PIBF1: variants seen among roughly 807,000 people sequenced by gnomAD.
PIBF1 encodes the protein progesterone immunomodulatory binding factor 1, also known as progesterone-induced-blocking factor 1.
PIBF1 carries 90 observed loss-of-function variants against 112.5 expected under a neutral mutation model. That is an observed-to-expected ratio of 0.80 (90% CI 0.67 to 0.95). PIBF1 has a LOEUF of 0.95. PIBF1 is among the 40% of genes least tolerant of loss of function. The pLI, the probability that PIBF1 is intolerant of heterozygous loss-of-function variation, is 0.00. For synonymous variants in PIBF1, 301 were observed against 288.6 expected (o/e 1.04, Z -0.44); for missense variants, 915 against 852.3 (o/e 1.07, Z -0.92).
At chr13:72,880,549 T>G (rs905038940) in intron 10 of PIBF1, among the ~76,000 whole-genome samples, 1 of 152,212 alleles carries the variant, frequency 6.6e-6, no homozygotes, top group African/African-American at 2.4e-5. Context: ...GTTATGCTCA[T>G]TTTATAATTA....
At chr13:72,917,265 T>A in intron 13 of PIBF1, 99 bp downstream of exon 13, 1 of 554,408 alleles carries the variant, frequency 1.8e-6, no homozygotes. Context: ...CAAAGTCCTT[T>A]ATTCTTACTC....
At chr13:72,874,456 A>T (rs181552994) in intron 10 of PIBF1, among the ~76,000 whole-genome samples, 1 of 152,320 alleles carries the variant, frequency 6.6e-6, no homozygotes, top group Admixed American at 6.5e-5. Flanking sequence ...TAAAAGTTCT[A>T]TGTTGAAAGA....
At chr13:72,795,229 G>A (rs1044741874) in intron 3 of PIBF1, 130 bp from the exon 4 acceptor site, 37 of 638,862 alleles carry the variant, frequency 5.8e-5, no homozygotes, top group Non-Finnish European at 9.6e-5. Flanking sequence ...TAAGTATTTA[G>A]CTGGAGTAAG....
chr13:72,859,320 A>G (rs1189223959), intron 10 of PIBF1, among the ~76,000 whole-genome samples: 1 of 152,158 alleles, frequency 6.6e-6, no homozygotes, highest in East Asian at 1.9e-4. Flanking sequence ...GGGATTTGAT[A>G]AGACTTTCCA....
chr13:72,923,450 G>A (rs1353221979), intron 13 of PIBF1, among the ~76,000 whole-genome samples: 1 of 152,184 alleles, frequency 6.6e-6, no homozygotes, highest in Non-Finnish European at 1.5e-5. Flanking sequence ...TATACTGGTG[G>A]TGGTAGTTTC....
At chr13:73,006,471 G>A (rs1469404805) in intron 17 of PIBF1, among the ~76,000 whole-genome samples, 1 of 152,118 alleles carries the variant, frequency 6.6e-6, no homozygotes, top group African/African-American at 2.4e-5. Flanking sequence ...TAGTGATAAA[G>A]CCAGATCAAC....
In PIBF1 at chr13:72,844,728, T is replaced by TACACACACACACACAC. The variant is rs1156334355; in HGVS notation, c.1224-9272_1224-9257dup. Among the ~76,000 whole-genome samples, 46 of 53,240 alleles carry TACACACACACACACAC rather than the reference T, an allele frequency of 8.6e-4. 1 individual carries two copies. Among genetic ancestry groups the TACACACACACACACAC allele is most frequent in the East Asian group, 4.8e-3 (6 of 1,244 alleles). The allele number at this position is 53,240 out of a possible 152,430, so 34.9% of individuals were successfully genotyped here. On this transcript the variant is annotated intron_variant, in intron 9 of 17. Coordinates refer to ENST00000326291, the MANE Select transcript of PIBF1 (RefSeq NM_006346.4). ...TTATAAAAGCATCTGTAATTTTATT[T>TACACACACACACACAC]ACACACACACACACACACACACACA...
chr13:72,814,147 T>A (rs1416229981), intron 5 of PIBF1, among the ~76,000 whole-genome samples: 1 of 152,048 alleles, frequency 6.6e-6, no homozygotes, highest in African/African-American at 2.4e-5. Context: ...TGATAAAGAT[T>A]GAAAAATGGG....
At chr13:72,792,650 T>G (rs2034993869) in intron 3 of PIBF1, 103 bp downstream of exon 3, 4 of 606,724 alleles carry the variant, frequency 6.6e-6, no homozygotes, top group Non-Finnish European at 1.1e-5. Flanking sequence ...ATAGAGAAAT[T>G]TTAAGTCAGA....
intron 11 of PIBF1, among the ~76,000 whole-genome samples, chr13:72,902,901 C>CT (rs113529963): frequency 0.12 from 16,869 of 143,170 alleles, 1,125 homozygotes; most frequent in Non-Finnish European, 0.16. Flanking sequence ...GGAAATAAAT[C>CT]TTTTTTTTTT....
intron 8 of PIBF1, among the ~76,000 whole-genome samples, chr13:72,832,461 T>G (rs147962195): frequency 0.037 from 5,682 of 152,238 alleles, 161 homozygotes; most frequent in Middle Eastern, 0.075. Flanking sequence ...GGCAGGCCTG[T>G]TGGTGACAAA....
At chr13:72,999,708 G>A (rs1357224334) in intron 17 of PIBF1, among the ~76,000 whole-genome samples, 1 of 152,182 alleles carries the variant, frequency 6.6e-6, no homozygotes, top group East Asian at 1.9e-4. Context: ...GGATGAAAGA[G>A]ATTTTTTAGT....
At chr13:72,921,081 A>G (rs144987036) in intron 13 of PIBF1, among the ~76,000 whole-genome samples, 84 of 152,162 alleles carry the variant, frequency 5.5e-4, no homozygotes, top group African/African-American at 1.9e-3. Flanking sequence ...TATAACAGTA[A>G]TGTTTATTTT....
At chr13:72,911,962 G>GA (rs2040908884) in intron 12 of PIBF1, among the ~76,000 whole-genome samples, 1 of 144,424 alleles carries the variant, frequency 6.9e-6, no homozygotes, top group Admixed American at 7.1e-5. Flanking sequence ...CCCATCTCTA[G>GA]AAAAAAAGAG....
rs143437052 is a variant in PIBF1, at chr13:72,798,134, A to G, written c.672+108A>G. ...AAGTCAGTGATTGAAAAATGGGACTATGGGATGGTGACTGCTACAGTTCAA... is the reference window on the plus strand; with the variant it reads ...AAGTCAGTGATTGAAAAATGGGACTGTGGGATGGTGACTGCTACAGTTCAA... On this transcript the variant is annotated intron_variant, in intron 5 of 17. Coordinates refer to ENST00000326291, the MANE Select transcript of PIBF1 (RefSeq NM_006346.4). 479 of 1,156,412 alleles carry G rather than the reference A, an allele frequency of 4.1e-4. 3 individuals carry two copies. In the African/African-American group the frequency reaches 6.3e-3, roughly 15 times the overall value. 71.6% of individuals were successfully genotyped at this position (1,156,412 alleles called of 1,614,324 possible).
chr13:72,864,843 T>C (rs2038857231), intron 10 of PIBF1, among the ~76,000 whole-genome samples: 1 of 152,236 alleles, frequency 6.6e-6, no homozygotes, highest in Non-Finnish European at 1.5e-5. Context: ...TCTTATTTCC[T>C]ACAGTGTATA....
intron 10 of PIBF1, among the ~76,000 whole-genome samples, chr13:72,879,650 A>G (rs2039542720): frequency 6.6e-6 from 1 of 152,344 alleles, no homozygotes; most frequent in Admixed American, 6.5e-5. Context: ...CTTGGTCAGT[A>G]TGGCATCCCT....
intron 9 of PIBF1, among the ~76,000 whole-genome samples, chr13:72,839,987 C>T (rs1018364870): frequency 2.6e-5 from 4 of 152,142 alleles, no homozygotes; most frequent in African/African-American, 7.2e-5. Context: ...CCACAGGGCT[C>T]AGAATTGATT....
chr13:72,827,805 C>G lies in PIBF1; in HGVS notation c.988C>G (p.Leu330Val). The stretch of plus-strand genomic sequence containing the variant: ...ATATCTTAATCGCCAAAACATGGAG[C>G]TTAGTGTTCGCTGTGCTCATGAAGA... ...KEYLNRQNME[L>V]SVRCAHEEDR... is the part of the protein sequence containing the mutation. Residue 330 changes from leucine (L) to valine (V), a missense_variant, in exon 8 of 18, where the codon CTT becomes GTT. Physicochemically the swap from Leu to Val is conservative, Grantham distance 32 (BLOSUM62 1). Transcript: ENST00000326291. 6.2e-7 allele frequency: 1 copy of G among 1,604,328 alleles called. No homozygotes were observed. Among genetic ancestry groups the G allele is most frequent in the Non-Finnish European group, 8.5e-7 (1 of 1,175,502 alleles).
Sources: allele counts gnomAD v4.1 joint callset (sites outside exome capture counted in the v4.1 genomes callset), GRCh38; gene constraint gnomAD v4.1.1; transcripts MANE v1.5; gene names NCBI Gene and HGNC (gene_info 2026-07-23, HGNC 2026-07-21).